GRM8: variants seen among roughly 807,000 people sequenced by gnomAD.
GRM8 encodes the protein metabotropic glutamate receptor 8.
A neutral mutation model predicts 87.2 loss-of-function variants in GRM8; 47 were observed. The ratio of observed to expected loss-of-function variants is 0.54; its 90% CI spans 0.43 to 0.69. The LOEUF (loss-of-function observed/expected upper bound fraction) is 0.69, where lower values mean the gene tolerates loss of function less well. Ranked by LOEUF, GRM8 falls within the 30% of genes least tolerant of loss-of-function variation. The probability of loss-of-function intolerance (pLI) is 0.00; values close to 1 mark genes in which losing one functional copy is unlikely to be tolerated. For missense variants in GRM8, 1,019 were observed against 1,139.2 expected, an observed-to-expected ratio of 0.89 and a Z score of 1.52; for synonymous variants, 396 against 404.5, an observed-to-expected ratio of 0.98 and a Z score of 0.25.
At chr7:126,553,715 C>G (rs755097017) in intron 8 of GRM8, among the ~76,000 whole-genome samples, 32 of 152,028 alleles carry the variant, frequency 2.1e-4, no homozygotes, top group Non-Finnish European at 3.8e-4. Flanking sequence ...AACCTAATAC[C>G]CAATTGTATT....
intron 7 of GRM8, among the ~76,000 whole-genome samples, chr7:126,711,649 C>A (rs1347008107): frequency 1.3e-5 from 2 of 152,202 alleles, no homozygotes. Flanking sequence ...CATCCTCTTC[C>A]AAGAGAAGGC....
chr7:127,106,708 G>A lies in GRM8; in HGVS notation c.515C>T (p.Pro172Leu). 1 of 1,605,662 alleles carries A rather than the reference G, an allele frequency of 6.2e-7. No homozygotes were observed. The highest frequency in any genetic ancestry group is 8.5e-7 in the Non-Finnish European group (1 of 1,172,390). ...GGCTGTGGATGCATAGCTGATTTGAGGTATCTGCAAAACAAATGATGGGTC... is the reference window on the plus strand; with the variant it reads ...GGCTGTGGATGCATAGCTGATTTGAAGTATCTGCAAAACAAATGATGGGTC... ...VANILRLFKI[P>L]QISYASTAPE... The change falls in exon 3 of 11, where the codon CCT (proline) becomes CTT (leucine). Residue 172 changes from proline to leucine, a missense_variant. Transcript: ENST00000339582.
At chr7:126,839,221 G>A (rs768985883) in intron 6 of GRM8, among the ~76,000 whole-genome samples, 1 of 152,090 alleles carries the variant, frequency 6.6e-6, no homozygotes, top group Non-Finnish European at 1.5e-5. Flanking sequence ...AACAGAGGCA[G>A]GTAAGATGTT....
At chr7:126,900,675 A>AT (rs555947594) in intron 6 of GRM8, among the ~76,000 whole-genome samples, 1 of 151,830 alleles carries the variant, frequency 6.6e-6, no homozygotes, top group African/African-American at 2.4e-5. Context: ...CGCCGGGCTA[A>AT]TTTTTTGTAT....
rs1333068310 is a variant in GRM8, at chr7:127,132,189, A to T, written c.511-25477T>A. 2.0e-5 allele frequency among the ~76,000 whole-genome samples: 3 copies of T among 152,168 alleles called. No homozygotes were observed. In the East Asian group the frequency reaches 5.8e-4, roughly 29 times the overall value. On this transcript the variant is annotated intron_variant, in intron 2 of 10. Coordinates refer to ENST00000339582, the MANE Select transcript of GRM8 (RefSeq NM_000845.3). ...GTTAGAAAAAATAAAGTTAACAGGG[A>T]CACAGCTGTTTCTCAGAAGATGAAG...
chr7:126,966,544 AC>A (rs1809885805), intron 3 of GRM8, among the ~76,000 whole-genome samples: 1 of 152,186 alleles, frequency 6.6e-6, no homozygotes. Context: ...TATTATGATG[AC>A]CTTCCCATGA....
chr7:126,556,607 A>G (rs1255549279), intron 8 of GRM8, among the ~76,000 whole-genome samples: 1 of 152,192 alleles, frequency 6.6e-6, no homozygotes, highest in Non-Finnish European at 1.5e-5. Flanking sequence ...AGATTGCACC[A>G]CTGCACTTCA....
At chr7:126,554,881 T>A (rs1220416211) in intron 8 of GRM8, among the ~76,000 whole-genome samples, 1 of 152,206 alleles carries the variant, frequency 6.6e-6, no homozygotes, top group Non-Finnish European at 1.5e-5. Context: ...TTATCATTCT[T>A]AAAGAACTTC....
chr7:126,826,496 C>G (rs1372388222), intron 6 of GRM8, among the ~76,000 whole-genome samples: 1 of 152,100 alleles, frequency 6.6e-6, no homozygotes, highest in South Asian at 2.1e-4. Context: ...TTTCATGTGT[C>G]TTTTGGCTGC....
rs188308391 is a variant in GRM8, at chr7:126,809,070, C to A, written c.1157-39005G>T. On this transcript the variant is annotated intron_variant, in intron 6 of 10. Transcript: ENST00000339582. ...CTCACAGGGAGAATCTGTTCCCTTG[C>A]GTATTTTATCTTTTAAAAGCCACCT... Among the ~76,000 whole-genome samples the A allele has an allele frequency of 3.9e-5, 6 of 152,248 alleles. No individual in the cohort carries two copies. The East Asian group carries it at 9.7e-4, about 25-fold the overall frequency.
At chr7:126,816,733 TG>T (rs1392019480) in intron 6 of GRM8, among the ~76,000 whole-genome samples, 17 of 8,488 alleles carry the variant, frequency 2.0e-3, no homozygotes, top group Non-Finnish European at 3.2e-3. Flanking sequence ...TATATGATTT[TG>T]TGTGTGTGTG....
chr7:126,535,992 T>C (rs1377264868), intron 8 of GRM8, among the ~76,000 whole-genome samples: 2 of 152,204 alleles, frequency 1.3e-5, no homozygotes, highest in Admixed American at 1.3e-4. Context: ...TTCCTGAATT[T>C]CTGATTTACG....
intron 9 of GRM8, among the ~76,000 whole-genome samples, chr7:126,478,574 A>G (rs1806278840): frequency 6.6e-6 from 1 of 152,108 alleles, no homozygotes; most frequent in South Asian, 2.1e-4. Flanking sequence ...AATAAAAGCA[A>G]TATTTTGCAT....
At chr7:127,107,560 C>A (rs1825924918) in intron 2 of GRM8, among the ~76,000 whole-genome samples, 1 of 152,122 alleles carries the variant, frequency 6.6e-6, no homozygotes, top group African/African-American at 2.4e-5. Flanking sequence ...CCAAGATGCC[C>A]TAATTCAGGT....
chr7:126,842,094 GA>G (rs971546701), intron 6 of GRM8, among the ~76,000 whole-genome samples: 2 of 152,034 alleles, frequency 1.3e-5, no homozygotes, highest in African/African-American at 2.4e-5. Context: ...ATAATTTGAA[GA>G]AAAAATTTAA....
chr7:127,029,535 T>C (rs1817145848), intron 3 of GRM8, among the ~76,000 whole-genome samples: 1 of 152,198 alleles, frequency 6.6e-6, no homozygotes, highest in Non-Finnish European at 1.5e-5. Context: ...GGTGCATATA[T>C]ATTTAGGATA....
At chr7:126,699,078 C>T (rs561191346) in intron 7 of GRM8, among the ~76,000 whole-genome samples, 1 of 152,266 alleles carries the variant, frequency 6.6e-6, no homozygotes, top group Admixed American at 6.5e-5. Context: ...TTAGCAATCA[C>T]TAGACCCTGA....
chr7:126,507,760 CTT>C (rs1412810440), intron 9 of GRM8, among the ~76,000 whole-genome samples: 34 of 152,048 alleles, frequency 2.2e-4, no homozygotes, highest in Non-Finnish European at 4.3e-4. Flanking sequence ...TTAACAATTC[CTT>C]CTTTTTCGAG....
intron 7 of GRM8, among the ~76,000 whole-genome samples, chr7:126,756,118 G>GT (rs1816981397): frequency 6.6e-6 from 1 of 151,724 alleles, no homozygotes; most frequent in African/African-American, 2.4e-5. Context: ...GAACAATTGA[G>GT]TATGGGCAAA....
Sources: allele counts gnomAD v4.1 joint callset (sites outside exome capture counted in the v4.1 genomes callset), GRCh38; gene constraint gnomAD v4.1.1; transcripts MANE v1.5; gene names NCBI Gene and HGNC (gene_info 2026-07-23, HGNC 2026-07-21).